DOCK2: variants seen among roughly 807,000 people sequenced by gnomAD.
The protein encoded by DOCK2 is dedicator of cytokinesis 2.
A neutral mutation model predicts 248.9 loss-of-function variants in DOCK2; 87 were observed. The ratio of observed to expected loss-of-function variants is 0.35; its 90% confidence interval spans 0.29 to 0.42. DOCK2 has a LOEUF of 0.42. Among genes scored for constraint, DOCK2 ranks in the 10% least tolerant of loss-of-function variants. The probability of loss-of-function intolerance (pLI) is 1.00; values close to 1 mark genes in which losing one functional copy is unlikely to be tolerated. For synonymous variants in DOCK2, 805 were observed against 821.6 expected, an observed-to-expected ratio of 0.98 and a Z score of 0.35; for missense variants, 1,747 against 2,300.2, an observed-to-expected ratio of 0.76 and a Z score of 4.92.
chr5:169,929,007 T>C lies in DOCK2; in HGVS notation c.2800-54061T>C, dbSNP rs114579137. Among the ~76,000 whole-genome samples, 450 of 152,302 alleles carry C rather than the reference T, an allele frequency of 3.0e-3. 5 individuals carry two copies. Among genetic ancestry groups the C allele is most frequent in the African/African-American group, 0.01 (426 of 41,580 alleles). ...ATGTAGGATGAGGAGGAGCTATGTG[T>C]TCTGTTCATCTTTGTGCCCTGAGAA... On this transcript the variant is annotated intron_variant, in intron 27 of 51. Coordinates refer to ENST00000520908, the MANE Select transcript of DOCK2 (RefSeq NM_004946.3).
chr5:170,076,782 CTT>C (rs901171185), intron 47 of DOCK2, among the ~76,000 whole-genome samples: 1 of 152,198 alleles, frequency 6.6e-6, no homozygotes, highest in Non-Finnish European at 1.5e-5. Context: ...ACTCAGGTCT[CTT>C]GATTCAAAGA....
intron 27 of DOCK2, among the ~76,000 whole-genome samples, chr5:169,968,978 G>T (rs1395508463): frequency 6.6e-6 from 1 of 152,148 alleles, no homozygotes; most frequent in Non-Finnish European, 1.5e-5. Context: ...GTGATACCAT[G>T]CCTCTACAAA....
At chr5:169,681,570 G>T (rs1759668936) in intron 6 of DOCK2, among the ~76,000 whole-genome samples, 174 bp from the exon 7 acceptor site, 1 of 152,014 alleles carries the variant, frequency 6.6e-6, no homozygotes, top group Admixed American at 6.6e-5. Flanking sequence ...CTTCTAAAGG[G>T]GGTCTACTAT....
In DOCK2 at chr5:169,765,793, GT is replaced by G. The variant is rs77873854; in HGVS notation, c.2554+4175del. 2.0e-5 allele frequency among the ~76,000 whole-genome samples: 3 copies of G among 152,096 alleles called. No homozygotes were observed. The East Asian group carries it at 5.8e-4, about 29-fold the overall frequency. On this transcript the variant is annotated intron_variant, in intron 25 of 51. Transcript: ENST00000520908. ...TTCAATGTTTATTTTCAGCTGGTGGGTTTTTTTCACTGGGAACTTTATTGAG... is the reference window on the plus strand; with the variant it reads ...TTCAATGTTTATTTTCAGCTGGTGGGTTTTTTCACTGGGAACTTTATTGAG...
At chr5:169,835,193 G>C (rs1019878730) in intron 26 of DOCK2, among the ~76,000 whole-genome samples, 2 of 151,554 alleles carry the variant, frequency 1.3e-5, no homozygotes, top group Non-Finnish European at 2.9e-5. Flanking sequence ...AAGTGTATGG[G>C]AGGGAGGAGA....
At chr5:169,788,796 A>C (rs974149448) in intron 25 of DOCK2, among the ~76,000 whole-genome samples, 2 of 152,332 alleles carry the variant, frequency 1.3e-5, no homozygotes, top group Admixed American at 1.3e-4. Flanking sequence ...TTGTAGATTC[A>C]TGTTGGGGGC....
chr5:169,677,579 T>A (rs115901210), intron 6 of DOCK2, among the ~76,000 whole-genome samples: 1,655 of 152,298 alleles, frequency 0.011, 34 homozygotes, highest in African/African-American at 0.038. Context: ...TGAATATGTA[T>A]GATGTTGGCC....
chr5:169,941,713 G>C (rs537517303), intron 27 of DOCK2, among the ~76,000 whole-genome samples: 10 of 152,336 alleles, frequency 6.6e-5, no homozygotes, highest in African/African-American at 2.4e-4. Context: ...CACGCTGACT[G>C]TTATGTGGAA....
At chr5:170,034,262 A>G (rs1581543626) in intron 34 of DOCK2, 137 bp from the exon 35 acceptor site, 1 of 1,070,180 alleles carries the variant, frequency 9.3e-7, no homozygotes, top group Non-Finnish European at 1.3e-6. Context: ...AAATACATGA[A>G]TAAATGAACA....
intron 25 of DOCK2, among the ~76,000 whole-genome samples, chr5:169,795,224 G>T (rs1422518640): frequency 6.6e-6 from 1 of 152,108 alleles, no homozygotes; most frequent in Non-Finnish European, 1.5e-5. Context: ...TGGATATCTA[G>T]TATAAAGTTC....
At chr5:170,015,633 T>C (rs1755499174) in intron 32 of DOCK2, among the ~76,000 whole-genome samples, 1 of 152,172 alleles carries the variant, frequency 6.6e-6, no homozygotes, top group South Asian at 2.1e-4. Flanking sequence ...GGAGGCTTGC[T>C]GGACTCTGAA....
chr5:169,987,422 A>C (rs1778095273), intron 29 of DOCK2, among the ~76,000 whole-genome samples: 1 of 152,240 alleles, frequency 6.6e-6, no homozygotes, highest in South Asian at 2.1e-4. Flanking sequence ...GGAAAGAAGC[A>C]GAGAGAGTAG....
rs556368731 is a variant in DOCK2, at chr5:169,843,208, A to G, written c.2799+2356A>G. 1.8e-3 allele frequency among the ~76,000 whole-genome samples: 275 copies of G among 152,246 alleles called. 9 individuals carry two copies. In the South Asian group the frequency reaches 0.053, roughly 30 times the overall value. ...GAAATTCCTTCTTGTACCTTTCAACATGTTGAAATCCTACCTAGTTTTCCA... is the reference window on the plus strand; with the variant it reads ...GAAATTCCTTCTTGTACCTTTCAACGTGTTGAAATCCTACCTAGTTTTCCA... On this transcript the variant is annotated intron_variant, in intron 27 of 51. Coordinates refer to ENST00000520908, the MANE Select transcript of DOCK2 (RefSeq NM_004946.3).
Position 170,019,095 on chromosome 5 carries a change from G to A in DOCK2, c.3368G>A (p.Gly1123Glu). ...DMMLCEYQRSGDFKKFENEII... is the reference protein window; with the variant it reads ...DMMLCEYQRSEDFKKFENEII... The stretch of plus-strand genomic sequence containing the variant: ...ATGCTGTGTGAATATCAAAGAAGTG[G>A]GGATTTCAAAAAGGTAAAAAATGAG... Residue 1123 changes from glycine to glutamate, a missense_variant, in exon 33 of 52, where the codon GGG (glycine) becomes GAG (glutamate). By Grantham distance (98) the Gly-to-Glu change is moderately conservative. Around this residue, in one of 4 missense-constraint regions of DOCK2, gnomAD observed 858 missense variants for 1,183.5 expected, o/e 0.72. Transcript: ENST00000520908. 6.2e-7 allele frequency: 1 copy of A among 1,613,968 alleles called. No individual in the cohort carries two copies. Among genetic ancestry groups the A allele is most frequent in the Non-Finnish European group, 8.5e-7 (1 of 1,179,912 alleles).
At chr5:169,659,476 C>T (rs181225381) in intron 2 of DOCK2, among the ~76,000 whole-genome samples, 4 of 152,162 alleles carry the variant, frequency 2.6e-5, no homozygotes, top group Admixed American at 2.6e-4. Context: ...CAACATGGCC[C>T]AGAAGCTGAA....
At chr5:170,038,441 C>T (rs1193128815) in intron 36 of DOCK2, among the ~76,000 whole-genome samples, 1 of 152,204 alleles carries the variant, frequency 6.6e-6, no homozygotes, top group East Asian at 1.9e-4. Flanking sequence ...TATTTAAAAA[C>T]ATTTTTAATT....
intron 46 of DOCK2, among the ~76,000 whole-genome samples, chr5:170,075,278 T>TA (rs1394861692): frequency 6.6e-6 from 1 of 152,192 alleles, no homozygotes; most frequent in African/African-American, 2.4e-5. Context: ...AGCTGACACT[T>TA]AGACAGTATC....
At chr5:169,705,113 G>T (rs1472346335) in intron 14 of DOCK2, among the ~76,000 whole-genome samples, 1 of 152,080 alleles carries the variant, frequency 6.6e-6, no homozygotes, top group African/African-American at 2.4e-5. Flanking sequence ...AGTGAGCTGA[G>T]ATCGCACCCC....
At chr5:170,042,190 T>TC (rs1161260177) in intron 38 of DOCK2, 58 bp downstream of exon 38, 1 of 1,525,970 alleles carries the variant, frequency 6.6e-7, no homozygotes, top group Non-Finnish European at 8.8e-7. Context: ...GATGGTTCTC[T>TC]CCCATACCTT....
Sources: allele counts gnomAD v4.1 joint callset (sites outside exome capture counted in the v4.1 genomes callset), GRCh38; gene constraint gnomAD v4.1.1; regional missense constraint gnomAD v4.1.1; transcripts MANE v1.5; gene names NCBI Gene and HGNC (gene_info 2026-07-23, HGNC 2026-07-21).